FHAD1: variants seen among roughly 807,000 people sequenced by gnomAD.
The protein encoded by FHAD1 is forkhead associated phosphopeptide binding domain 1.
In FHAD1, 146 loss-of-function variants were observed where a neutral mutation model predicts 191.3. That is an observed-to-expected ratio of 0.76 (90% CI 0.67 to 0.88). FHAD1 has a LOEUF of 0.88. FHAD1 is among the 40% of genes least tolerant of loss of function. The pLI is 0.00. For synonymous variants in FHAD1, 616 were observed against 672.3 expected, an observed-to-expected ratio of 0.92 and a Z score of 1.29; for missense variants, 1,635 against 1,785.8, an observed-to-expected ratio of 0.92 and a Z score of 1.52.
At chr1:15,397,209 A>G (rs1030743438) in intron 33 of FHAD1, 88 bp from the exon 34 acceptor site, 4 of 604,136 alleles carry the variant, frequency 6.6e-6, no homozygotes, top group Admixed American at 3.5e-5. Context: ...AAAATTAAAT[A>G]AAATAAAAAA....
rs540351280 is a variant in FHAD1, at chr1:15,368,505, T to C, written c.3315-865T>C. ...CCCTCAGCTTATCCATATTTTAGAA[T>C]GAGTCCTGTTTTCACAAAAAAAAGA... is the stretch of plus-strand genomic sequence containing the variant. On this transcript the variant is annotated intron_variant, in intron 25 of 33. Transcript: ENST00000688493. Among the ~76,000 whole-genome samples the C allele has an allele frequency of 7.2e-5, 11 of 152,336 alleles. No individual in the cohort carries two copies. In the South Asian group the frequency reaches 1.7e-3, roughly 23 times the overall value.
Position 15,289,630 on chromosome 1 carries a change from G to A in FHAD1, c.532G>A (p.Val178Met). The change falls in exon 4 of 34, where the codon GTG becomes ATG. Residue 178 changes from valine to methionine, a missense_variant. Physicochemically the swap from Val to Met is conservative, Grantham distance 21. Transcript: ENST00000688493. This position sits in a 1 kb window ranked among gnomAD's most constrained non-coding sequence, Gnocchi z 4.2. The stretch of plus-strand genomic sequence containing the variant: ...CAACAAGGAGATGTTCTCGTTCGTG[G>A]TGGACGACGCCCGCAAGCCACCCGT... ...SANKEMFSFVVDDARKPPVIK... is the reference protein window; with the variant it reads ...SANKEMFSFVMDDARKPPVIK... The A allele has an allele frequency of 1.9e-6, 3 of 1,551,160 alleles. No individual in the cohort carries two copies. The highest frequency in any genetic ancestry group is 2.6e-6 in the Non-Finnish European group (3 of 1,146,494).
chr1:15,267,945 TA>T (rs60912081), intron 2 of FHAD1, among the ~76,000 whole-genome samples: 54,475 of 134,856 alleles, frequency 0.4, 10,496 homozygotes, highest in East Asian at 0.69. Flanking sequence ...AATAGGAATA[TA>T]AAAAATATAT....
rs1410096436 is a variant in FHAD1, at chr1:15,317,946, GGCC to G, written c.1365+19_1365+21del. 1 of 1,497,018 alleles carries G rather than the reference GGCC, an allele frequency of 6.7e-7. No homozygotes were observed. The highest frequency in any genetic ancestry group is 9.1e-7 in the Non-Finnish European group (1 of 1,097,660). 92.7% of individuals were successfully genotyped at this position (1,497,018 alleles called of 1,614,324 possible). ...AAAGCAAGGTACGTAGTGGACAACA[GGCC>G]CAGAGAGTGGTGTGGGCGGTAGCTC... On this transcript the variant is annotated intron_variant, in intron 10 of 33. Coordinates refer to ENST00000688493, the MANE Select transcript of FHAD1 (RefSeq NM_001391957.1).
chr1:15,398,777 A>T (rs1373874516), downstream of FHAD1, among the ~76,000 whole-genome samples: 4 of 127,996 alleles, frequency 3.1e-5, no homozygotes, highest in Non-Finnish European at 5.3e-5. Flanking sequence ...TTGTGTGGCC[A>T]GGCAGCCAAA....
At chr1:15,303,600 A>G (rs1248662380) in intron 6 of FHAD1, among the ~76,000 whole-genome samples, 1 of 152,250 alleles carries the variant, frequency 6.6e-6, no homozygotes. Flanking sequence ...CTGTAATCCC[A>G]GCACTTTGGG....
chr1:15,379,022 G>C (rs1292794449), intron 28 of FHAD1, among the ~76,000 whole-genome samples: 2 of 152,172 alleles, frequency 1.3e-5, no homozygotes, highest in Non-Finnish European at 2.9e-5. Flanking sequence ...CTGAAGTGAA[G>C]GGGTGGGTTG....
chr1:15,339,660 C>T (rs1685714471), intron 15 of FHAD1, 109 bp downstream of exon 15: 3 of 381,268 alleles, frequency 7.9e-6, no homozygotes, highest in African/African-American at 4.3e-5. Context: ...TAGTCCAGTC[C>T]ACACCCTCCA....
At chr1:15,295,276 A>T (rs919377779) in intron 4 of FHAD1, among the ~76,000 whole-genome samples, 3 of 152,068 alleles carry the variant, frequency 2.0e-5, no homozygotes, top group African/African-American at 7.2e-5. Context: ...GTTATGCTGT[A>T]TTTTTATTGT....
chr1:15,272,482 G>A lies in FHAD1; in HGVS notation c.253G>A (p.Gly85Arg). 6.4e-7 allele frequency: 1 copy of A among 1,550,738 alleles called. No individual in the cohort carries two copies. The highest frequency in any genetic ancestry group is 8.7e-7 in the Non-Finnish European group (1 of 1,146,998). ...CATCCCTGGAGACATCCTGAGATTTGGGTCTGCAGGGCTGACCTATGAACT... is the reference window on the plus strand; with the variant it reads ...CATCCCTGGAGACATCCTGAGATTTAGGTCTGCAGGGCTGACCTATGAACT... ...KLIPGDILRF[G>R]SAGLTYELVI... The change falls in exon 3 of 34, where the codon GGG (glycine) becomes AGG (arginine). Residue 85 changes from glycine (G) to arginine (R), a missense_variant. Transcript: ENST00000688493.
In FHAD1 at chr1:15,247,292, GC is replaced by G; in HGVS notation, c.-117del. On this transcript the variant is annotated 5_prime_UTR_variant, in exon 1 of 34. Coordinates refer to ENST00000688493, the MANE Select transcript of FHAD1 (RefSeq NM_001391957.1). Reference sequence around the variant, plus strand: ...GTGCCGGGTGCGAGCTGGAGACTCCGCGGGAGCGCGGCCGGGAGGCTTCGCC... The same window carrying G: ...GTGCCGGGTGCGAGCTGGAGACTCCGGGGAGCGCGGCCGGGAGGCTTCGCC... 1 of 200,266 alleles carries G rather than the reference GC, an allele frequency of 5.0e-6. No homozygotes were observed. Among genetic ancestry groups the G allele is most frequent in the Non-Finnish European group, 1.1e-5 (1 of 92,452 alleles). The allele number at this position is 200,266 out of a possible 1,614,324, so 12.4% of individuals were successfully genotyped here.
rs571963196 is a variant in FHAD1, at chr1:15,272,270, G to A, written c.94-53G>A. ...AAGGCACTCAGCTCAAAACATTAGG[G>A]GCCGTGTCATTTTTGTTTTCATGGC... is the stretch of plus-strand genomic sequence containing the variant. On this transcript the variant is annotated intron_variant, in intron 2 of 33. Transcript: ENST00000688493. 5.4e-6 allele frequency: 8 copies of A among 1,490,912 alleles called. No homozygotes were observed. The African/African-American group carries it at 1.1e-4, about 21-fold the overall frequency. The allele number at this position is 1,490,912 out of a possible 1,614,324, so 92.4% of individuals were successfully genotyped here. A position where few individuals can be genotyped will look rare whatever the true frequency, so the allele number is the denominator to read the frequency against.
At chr1:15,333,504 A>G (rs1449690095) in intron 14 of FHAD1, among the ~76,000 whole-genome samples, 1 of 152,198 alleles carries the variant, frequency 6.6e-6, no homozygotes, top group African/African-American at 2.4e-5. Context: ...CTATGAGTTA[A>G]TAATTTGCCC....
At chr1:15,377,297 C>G (rs1375043930) in intron 28 of FHAD1, among the ~76,000 whole-genome samples, 3 of 152,144 alleles carry the variant, frequency 2.0e-5, no homozygotes, top group Non-Finnish European at 4.4e-5. Context: ...TCAAACCCTA[C>G]TTCCCTGAGG....
intron 3 of FHAD1, among the ~76,000 whole-genome samples, chr1:15,279,720 C>T (rs1029771220): frequency 1.3e-5 from 2 of 152,068 alleles, no homozygotes; most frequent in African/African-American, 4.8e-5. Flanking sequence ...TCGTTTGGAT[C>T]ACATGACTAT....
chr1:15,362,254 G>A (rs1391769982), intron 22 of FHAD1, among the ~76,000 whole-genome samples: 1 of 152,240 alleles, frequency 6.6e-6, no homozygotes, highest in African/African-American at 2.4e-5. Context: ...GTGCACTGAG[G>A]TGTAAATGGG....
chr1:15,328,438 T>C lies in FHAD1; in HGVS notation c.1710+9T>C, dbSNP rs1236258712. 2 of 1,464,272 alleles carry C rather than the reference T, an allele frequency of 1.4e-6. No homozygotes were observed. The highest frequency in any genetic ancestry group is 5.5e-5 in the Admixed American group (2 of 36,236). 90.7% of individuals were successfully genotyped at this position (1,464,272 alleles called of 1,614,324 possible). A position where few individuals can be genotyped will look rare whatever the true frequency, so the allele number is the denominator to read the frequency against. ...CGCTGGACAGCTGCCAGGTGGCCCCTCCTTACGCTTTCCACAAATGGTCTC... is the reference window on the plus strand; with the variant it reads ...CGCTGGACAGCTGCCAGGTGGCCCCCCCTTACGCTTTCCACAAATGGTCTC... On this transcript the variant is annotated intron_variant, in intron 13 of 33. Coordinates refer to ENST00000688493, the MANE Select transcript of FHAD1 (RefSeq NM_001391957.1).
In FHAD1 at chr1:15,289,260, T is replaced by G; in HGVS notation, c.301-139T>G. ...ACTTTGGCCTCCCAAAGTGTTGGGA[T>G]TATAGCTGTGTGCCACCCTGCCCGA... On this transcript the variant is annotated intron_variant, in intron 3 of 33. Transcript: ENST00000688493. This position sits in a 1 kb window ranked among gnomAD's most constrained non-coding sequence, Gnocchi z 4.2. 8.3e-7 allele frequency: 1 copy of G among 1,211,250 alleles called. No homozygotes were observed. The highest frequency in any genetic ancestry group is 1.1e-6 in the Non-Finnish European group (1 of 889,790). The allele number at this position is 1,211,250 out of a possible 1,614,324, so 75.0% of individuals were successfully genotyped here.
At chr1:15,374,749 A>G (rs954556246) in intron 27 of FHAD1, 118 bp downstream of exon 27, 8 of 1,300,838 alleles carry the variant, frequency 6.1e-6, no homozygotes, top group South Asian at 1.5e-5. Flanking sequence ...CTTGGAGGAC[A>G]TTGTAATACA....
Sources: allele counts gnomAD v4.1 joint callset (sites outside exome capture counted in the v4.1 genomes callset), GRCh38; gene constraint gnomAD v4.1.1; non-coding constraint Gnocchi (gnomAD v3.1); transcripts MANE v1.5; gene names NCBI Gene and HGNC (gene_info 2026-07-23, HGNC 2026-07-21).